Variants in ZNF804A observed in about 807,000 individuals in gnomAD.
ZNF804A encodes the protein zinc finger protein 804A.
ZNF804A carries 2 observed loss-of-function variants against 16.5 expected under a neutral mutation model. The ratio of observed to expected loss-of-function variants is 0.12; its 90% CI spans 0.05 to 0.38. The LOEUF (loss-of-function observed/expected upper bound fraction) is 0.38, where lower values mean the gene tolerates loss of function less well. ZNF804A is among the 10% of genes least tolerant of loss of function. The pLI, the probability that ZNF804A is intolerant of heterozygous loss-of-function variation, is 0.99. For synonymous variants in ZNF804A, 534 were observed against 489.6 expected (o/e 1.09, Z -1.20); for missense variants, 1,473 against 1,390.7 (o/e 1.06, Z -0.94).
intron 1 of ZNF804A, among the ~76,000 whole-genome samples, chr2:184,723,724 T>G (rs528949638): frequency 6.6e-6 from 1 of 151,776 alleles, no homozygotes; most frequent in Non-Finnish European, 1.5e-5. Context: ...TTGATCACTG[T>G]GAAAACAGCA....
intron 1 of ZNF804A, among the ~76,000 whole-genome samples, chr2:184,812,917 C>G (rs1041699083): frequency 6.6e-6 from 1 of 151,932 alleles, no homozygotes; most frequent in East Asian, 1.9e-4. Context: ...AATAATAACT[C>G]GTGAAAAACA....
chr2:184,927,235 T>G (rs1685626007), intron 2 of ZNF804A, among the ~76,000 whole-genome samples: 1 of 152,250 alleles, frequency 6.6e-6, no homozygotes, highest in Admixed American at 6.5e-5. Context: ...GTTCTGTGGC[T>G]CTTGTAGATT....
chr2:184,604,303 T>TG (rs1445678973), intron 1 of ZNF804A, among the ~76,000 whole-genome samples: 3 of 151,596 alleles, frequency 2.0e-5, no homozygotes, highest in Non-Finnish European at 2.9e-5. Context: ...CCCGAGTAGC[T>TG]GGGACTACAG....
intron 2 of ZNF804A, among the ~76,000 whole-genome samples, chr2:184,895,597 T>A (rs538271619): frequency 1.9e-4 from 29 of 152,322 alleles, no homozygotes; most frequent in Admixed American, 5.2e-4. Context: ...GAAAACTCAG[T>A]TATAATTCTG....
chr2:184,603,407 C>T (rs1005666688), intron 1 of ZNF804A, among the ~76,000 whole-genome samples: 1 of 152,162 alleles, frequency 6.6e-6, no homozygotes, highest in Non-Finnish European at 1.5e-5. Context: ...TGTTATTTCC[C>T]TTGTGTATAT....
At chr2:184,913,391 CTCT>C in intron 2 of ZNF804A, among the ~76,000 whole-genome samples, 1 of 152,114 alleles carries the variant, frequency 6.6e-6, no homozygotes, top group Admixed American at 6.6e-5. Context: ...TCAAGTTATT[CTCT>C]AGAGTCCATT....
chr2:184,874,263 T>C (rs1180595867), intron 2 of ZNF804A, among the ~76,000 whole-genome samples: 1 of 152,144 alleles, frequency 6.6e-6, no homozygotes, highest in African/African-American at 2.4e-5. Context: ...GATGATGGGA[T>C]ACCATAGGAG....
intron 1 of ZNF804A, among the ~76,000 whole-genome samples, chr2:184,844,982 T>C (rs182386467): frequency 2.0e-5 from 3 of 152,142 alleles, no homozygotes; most frequent in Admixed American, 2.0e-4. Flanking sequence ...TCAGATTCTA[T>C]TGGCACATGG....
At chr2:184,810,895 A>G (rs34938151) in intron 1 of ZNF804A, among the ~76,000 whole-genome samples, 22 of 152,356 alleles carry the variant, frequency 1.4e-4, no homozygotes, top group Non-Finnish European at 2.8e-4. Context: ...AATGAAAAAT[A>G]TCTCTGAAAA....
chr2:184,656,536 T>C (rs1574149544), intron 1 of ZNF804A, among the ~76,000 whole-genome samples: 1 of 152,162 alleles, frequency 6.6e-6, no homozygotes, highest in Non-Finnish European at 1.5e-5. Context: ...GGATTGAGGT[T>C]AATCAACTAC....
intron 1 of ZNF804A, among the ~76,000 whole-genome samples, chr2:184,684,912 T>C (rs1212791557): frequency 6.6e-6 from 1 of 152,186 alleles, no homozygotes; most frequent in African/African-American, 2.4e-5. Context: ...GGCTGCATAG[T>C]ATTCCATGGT....
chr2:184,776,596 C>A (rs1052431506), intron 1 of ZNF804A, among the ~76,000 whole-genome samples: 10 of 151,234 alleles, frequency 6.6e-5, no homozygotes, highest in Non-Finnish European at 1.3e-4. Flanking sequence ...GTCTGAGACA[C>A]CTTCCATTGT....
intron 1 of ZNF804A, among the ~76,000 whole-genome samples, chr2:184,653,956 C>A (rs1402188672): frequency 6.6e-6 from 1 of 152,158 alleles, no homozygotes; most frequent in Non-Finnish European, 1.5e-5. Flanking sequence ...GTGGTAACTG[C>A]CAGACCATCA....
intron 1 of ZNF804A, among the ~76,000 whole-genome samples, chr2:184,599,773 A>G (rs1691016679): frequency 6.6e-6 from 1 of 152,158 alleles, no homozygotes; most frequent in South Asian, 2.1e-4. Context: ...ACAGAGCTTC[A>G]TTTTTCAGGA....
At chr2:184,731,079 T>C (rs1016426432) in intron 1 of ZNF804A, among the ~76,000 whole-genome samples, 1 of 151,030 alleles carries the variant, frequency 6.6e-6, no homozygotes, top group African/African-American at 2.4e-5. Flanking sequence ...CCTGAAGCCC[T>C]GTCTCTACTA....
At chr2:184,779,420 C>T (rs923383453) in intron 1 of ZNF804A, among the ~76,000 whole-genome samples, 1 of 151,666 alleles carries the variant, frequency 6.6e-6, no homozygotes, top group Non-Finnish European at 1.5e-5. Context: ...AAATGTCACC[C>T]TATGATGCAC....
chr2:184,728,528 A>C (rs895303671), intron 1 of ZNF804A, among the ~76,000 whole-genome samples: 2 of 151,910 alleles, frequency 1.3e-5, no homozygotes, highest in Non-Finnish European at 2.9e-5. Context: ...ATGGGTAATA[A>C]AGAAGATGAT....
At chr2:184,678,430 C>G (rs1692476506) in intron 1 of ZNF804A, among the ~76,000 whole-genome samples, 2 of 152,234 alleles carry the variant, frequency 1.3e-5, no homozygotes, top group Middle Eastern at 6.8e-3. Flanking sequence ...CTACTATCCA[C>G]TTTTTCTGAT....
At chr2:184,902,638 G>T (rs922792331) in intron 2 of ZNF804A, 2 of 152,016 alleles carry the variant, frequency 1.3e-5, no homozygotes, top group Admixed American at 1.3e-4. Flanking sequence ...TACTTAGAGT[G>T]CTCTTAATGA....
Sources: gnomAD v4.1 joint callset for allele counts (sites outside exome capture counted in the v4.1 genomes callset) on GRCh38, gnomAD v4.1.1 for gene constraint, MANE v1.5 for transcripts, NCBI Gene and HGNC (gene_info 2026-07-23, HGNC 2026-07-21) for gene names.